DTNA: variants seen among roughly 807,000 people sequenced by gnomAD.
The protein encoded by DTNA is dystrophin-related protein 3.
DTNA carries 43 observed loss-of-function variants against 100.7 expected under a neutral mutation model. The observed-to-expected ratio is 0.43, with a 90% CI of 0.33 to 0.55. The LOEUF (loss-of-function observed/expected upper bound fraction) is 0.55, where lower values mean the gene tolerates loss of function less well. Ranked by LOEUF, DTNA falls within the 20% of genes least tolerant of loss-of-function variation. DTNA has a pLI of 0.04. For missense variants in DTNA, 798 were observed against 953.9 expected (o/e 0.84, Z 2.15); for synonymous variants, 349 against 347.9 (o/e 1.00, Z -0.04).
chr18:34,566,127 G>T (rs762629228), intron 1 of DTNA, among the ~76,000 whole-genome samples: 24 of 152,216 alleles, frequency 1.6e-4, no homozygotes, highest in South Asian at 2.1e-4. Context: ...GATTGCCAAT[G>T]CAAGCTGTGT....
chr18:34,679,034 A>G (rs1007993523), intron 1 of DTNA, among the ~76,000 whole-genome samples: 6 of 152,184 alleles, frequency 3.9e-5, no homozygotes, highest in Non-Finnish European at 5.9e-5. Context: ...GATCTTAGCA[A>G]TACTTTACTT....
chr18:34,555,406 G>T (rs1325677371), intron 1 of DTNA, among the ~76,000 whole-genome samples: 1 of 150,900 alleles, frequency 6.6e-6, no homozygotes, highest in Non-Finnish European at 1.5e-5. Context: ...GTTATTTCTT[G>T]CCTTCTACTA....
At chr18:34,730,686 G>A (rs1467456883) in intron 1 of DTNA, among the ~76,000 whole-genome samples, 3 of 152,130 alleles carry the variant, frequency 2.0e-5, no homozygotes, top group Non-Finnish European at 4.4e-5. Flanking sequence ...AAACCAATTC[G>A]AACCCTTTTC....
chr18:34,573,616 C>T lies in DTNA; in HGVS notation c.-2+80102C>T, dbSNP rs1489500810. 2.6e-5 allele frequency among the ~76,000 whole-genome samples: 4 copies of T among 152,160 alleles called. No homozygotes were observed. The East Asian group carries it at 5.8e-4, about 22-fold the overall frequency. On this transcript the variant is annotated intron_variant, in intron 1 of 19. Coordinates refer to the DTNA transcript ENST00000283365. The stretch of plus-strand genomic sequence containing the variant: ...AATTGTATACATTTATCATGTACAA[C>T]ATGATGCGTTGCAGTATGTATATAT...
intron 3 of DTNA, among the ~76,000 whole-genome samples, chr18:34,766,363 T>G (rs2093467667): frequency 6.6e-6 from 1 of 152,188 alleles, no homozygotes; most frequent in South Asian, 2.1e-4. Context: ...TTCTCTAACC[T>G]TGGTATCATA....
At chr18:34,610,268 A>T (rs1183785876) in intron 1 of DTNA, among the ~76,000 whole-genome samples, 1 of 152,182 alleles carries the variant, frequency 6.6e-6, no homozygotes, top group Non-Finnish European at 1.5e-5. Context: ...GGCTGTGTTT[A>T]TGAGAACTGG....
In DTNA at chr18:34,888,663, A is replaced by G. The variant is rs1399611502; in HGVS notation, c.*929A>G. The G allele has an allele frequency of 3.0e-6, 3 of 985,766 alleles. No individual in the cohort carries two copies. Among genetic ancestry groups the G allele is most frequent in the African/African-American group, 3.5e-5 (2 of 57,246 alleles). The allele number at this position is 985,766 out of a possible 1,614,324, so 61.1% of individuals were successfully genotyped here. On this transcript the variant is annotated 3_prime_UTR_variant, in exon 23 of 23. Transcript: ENST00000444659. ...GAAATACTCGTTACTAAAGCTGTTT[A>G]TAAACCACAGGTGCCATAAGATCCC...
At chr18:34,724,541 A>G (rs1327422150) in intron 1 of DTNA, among the ~76,000 whole-genome samples, 2 of 152,234 alleles carry the variant, frequency 1.3e-5, no homozygotes, top group African/African-American at 4.8e-5. Context: ...CAAGGGCCTC[A>G]GGAAGCTTGT....
chr18:34,820,982 A>T (rs1348395385), intron 9 of DTNA, 67 bp downstream of exon 9: 3 of 1,610,600 alleles, frequency 1.9e-6, no homozygotes, highest in Non-Finnish European at 2.5e-6. Context: ...GAGCCACACA[A>T]AAGCAATTTC....
chr18:34,501,890 T>G (rs2039965817), intron 1 of DTNA, among the ~76,000 whole-genome samples: 1 of 152,210 alleles, frequency 6.6e-6, no homozygotes, highest in African/African-American at 2.4e-5. Flanking sequence ...AATTTCCTCT[T>G]TTTGTAAGAA....
Position 34,829,627 on chromosome 18 carries a change from G to C in DTNA, c.1175+138G>C, listed in dbSNP as rs1031125843. ...AGGTCTTCTGGGGTTTAATGAAATT[G>C]TGTTGAGACTTTTCAACTTGAGCTG... On this transcript the variant is annotated intron_variant, in intron 11 of 22. Coordinates refer to ENST00000444659, the MANE Select transcript of DTNA (RefSeq NM_001386795.1). 4.4e-6 allele frequency: 4 copies of C among 917,922 alleles called. No individual in the cohort carries two copies. In the African/African-American group the frequency reaches 6.7e-5, roughly 15 times the overall value. The allele number at this position is 917,922 out of a possible 1,614,324, so 56.9% of individuals were successfully genotyped here.
chr18:34,623,870 T>G (rs926240160), intron 1 of DTNA, among the ~76,000 whole-genome samples: 2 of 152,196 alleles, frequency 1.3e-5, no homozygotes, highest in Non-Finnish European at 2.9e-5. Context: ...ATTTGGAAGA[T>G]CCAAATGTGT....
chr18:34,732,663 A>G (rs1445048545), intron 1 of DTNA, among the ~76,000 whole-genome samples: 1 of 152,248 alleles, frequency 6.6e-6, no homozygotes, highest in Non-Finnish European at 1.5e-5. Context: ...ACATTCTTCT[A>G]TAATCCCAAG....
chr18:34,493,523 A>T (rs2038757889), intron 1 of DTNA: 1 of 151,672 alleles, frequency 6.6e-6, no homozygotes, highest in Non-Finnish European at 1.5e-5. Context: ...AGGTGTGTGC[A>T]CGGCGTTTTC....
At chr18:34,519,610 T>A (rs1409931121) in intron 1 of DTNA, among the ~76,000 whole-genome samples, 1 of 152,170 alleles carries the variant, frequency 6.6e-6, no homozygotes, top group African/African-American at 2.4e-5. Flanking sequence ...GTTCCTTTAT[T>A]CCTACAAGAT....
intron 3 of DTNA, among the ~76,000 whole-genome samples, chr18:34,777,363 A>G (rs777165067): frequency 1.3e-5 from 2 of 152,218 alleles, no homozygotes; most frequent in African/African-American, 2.4e-5. Flanking sequence ...TTCAGTACCT[A>G]TTAATTTTAA....
At chr18:34,536,039 A>G (rs2043675913) in intron 1 of DTNA, among the ~76,000 whole-genome samples, 1 of 152,054 alleles carries the variant, frequency 6.6e-6, no homozygotes, top group South Asian at 2.1e-4. Context: ...ACACACACAT[A>G]CATAATTTTC....
chr18:34,629,533 G>A (rs1013999680), intron 1 of DTNA, among the ~76,000 whole-genome samples: 3 of 152,170 alleles, frequency 2.0e-5, no homozygotes, highest in African/African-American at 7.2e-5. Context: ...CACTCAACAT[G>A]CTATCTGTTC....
intron 1 of DTNA, among the ~76,000 whole-genome samples, chr18:34,496,244 A>ACACC (rs1367443521): frequency 4.1e-5 from 6 of 147,542 alleles, no homozygotes; most frequent in African/African-American, 1.5e-4. Flanking sequence ...ACACACACAC[A>ACACC]CCAGAATTAT....
Sources: allele counts gnomAD v4.1 joint callset (sites outside exome capture counted in the v4.1 genomes callset), GRCh38; gene constraint gnomAD v4.1.1; transcripts MANE v1.5; gene names NCBI Gene and HGNC (gene_info 2026-07-23, HGNC 2026-07-21).